UTRN: variants seen among roughly 807,000 people sequenced by gnomAD.
The protein encoded by UTRN is dystrophin-related protein 1.
A neutral mutation model predicts 463.9 loss-of-function variants in UTRN; 283 were observed. The observed-to-expected ratio is 0.61, with a 90% CI of 0.55 to 0.67. UTRN has a LOEUF of 0.67. UTRN is among the 30% of genes least tolerant of loss of function. The pLI is 0.00. For missense variants in UTRN, 3,922 were observed against 4,084.3 expected (o/e 0.96, Z 1.08); for synonymous variants, 1,442 against 1,431.5 (o/e 1.01, Z -0.17).
intron 53 of UTRN, among the ~76,000 whole-genome samples, chr6:144,700,543 G>A (rs1784479919): frequency 6.6e-6 from 1 of 151,782 alleles, no homozygotes; most frequent in Non-Finnish European, 1.5e-5. Context: ...AATATATTGA[G>A]GTTTTGGGTT....
intron 53 of UTRN, among the ~76,000 whole-genome samples, chr6:144,720,251 T>C (rs1786977921): frequency 6.6e-6 from 1 of 152,270 alleles, no homozygotes; most frequent in African/African-American, 2.4e-5. Context: ...CGCCAATCAC[T>C]TCTTTATACC....
chr6:144,784,815 A>G (rs1184787442), intron 61 of UTRN, among the ~76,000 whole-genome samples: 1 of 152,228 alleles, frequency 6.6e-6, no homozygotes, highest in Non-Finnish European at 1.5e-5. Flanking sequence ...TTAGAAAGAC[A>G]GTATCTTGAA....
intron 66 of UTRN, among the ~76,000 whole-genome samples, chr6:144,821,500 A>G (rs752530820): frequency 9.9e-5 from 15 of 152,000 alleles, no homozygotes; most frequent in Non-Finnish European, 1.6e-4. Flanking sequence ...GTATCACATT[A>G]TGATTCTAAT....
At chr6:144,724,169 G>T (rs73592002) in intron 53 of UTRN, among the ~76,000 whole-genome samples, 5,887 of 149,922 alleles carry the variant, frequency 0.039, 429 homozygotes, top group African/African-American at 0.14. Context: ...CAATTCAGGG[G>T]CTTTTAGTAT....
In UTRN at chr6:144,426,262, G is replaced by C. The variant is rs773672286; in HGVS notation, c.406-25G>C. The stretch of plus-strand genomic sequence containing the variant: ...GTAAATTACTGAAGTATTAGTTATG[G>C]ACAGGCCTGGTTTCTCTTACATAGG... On this transcript the variant is annotated intron_variant, in intron 6 of 74. Coordinates refer to ENST00000367545, the MANE Select transcript of UTRN (RefSeq NM_007124.3). The C allele has an allele frequency of 3.8e-6, 6 of 1,599,608 alleles. No homozygotes were observed. In the East Asian group the frequency reaches 9.0e-5, roughly 24 times the overall value.
intron 2 of UTRN, among the ~76,000 whole-genome samples, chr6:144,397,244 TAA>T (rs528359502): frequency 1.0e-4 from 15 of 145,386 alleles, no homozygotes; most frequent in African/African-American, 3.8e-4. Flanking sequence ...AACTCGGTCT[TAA>T]AAAAAAAAAA....
intron 52 of UTRN, among the ~76,000 whole-genome samples, chr6:144,694,580 G>A (rs922521016): frequency 3.9e-5 from 6 of 152,010 alleles, no homozygotes; most frequent in Non-Finnish European, 8.8e-5. Flanking sequence ...TCATTATTGG[G>A]CTGTTCAGGG....
In UTRN at chr6:144,539,572, T is replaced by C. The variant is rs78559744; in HGVS notation, c.6519+129T>C. On this transcript the variant is annotated intron_variant, in intron 45 of 74. Transcript: ENST00000367545. ...CAAATTTTACTAAAGCTTACTAATG[T>C]TTATATTTTTTATCTGTCATAGACA... The C allele has an allele frequency of 4.1e-3, 3,618 of 889,324 alleles. 88 individuals are homozygous for C. In the African/African-American group the frequency reaches 0.053, roughly 13 times the overall value. The allele number at this position is 889,324 out of a possible 1,614,324, so 55.1% of individuals were successfully genotyped here.
At chr6:144,608,684 T>C (rs989738072) in intron 51 of UTRN, among the ~76,000 whole-genome samples, 4 of 152,172 alleles carry the variant, frequency 2.6e-5, no homozygotes, top group Admixed American at 2.6e-4. Context: ...TTGGGTCCCT[T>C]TGTGGGAGGG....
chr6:144,522,598 A>G (rs1427565335), intron 40 of UTRN, among the ~76,000 whole-genome samples: 1 of 152,206 alleles, frequency 6.6e-6, no homozygotes, highest in Non-Finnish European at 1.5e-5. Flanking sequence ...ATTTTCATGT[A>G]ACTTGATTGC....
At chr6:144,673,999 T>C (rs1473153080) in intron 51 of UTRN, among the ~76,000 whole-genome samples, 1 of 152,220 alleles carries the variant, frequency 6.6e-6, no homozygotes, top group Admixed American at 6.5e-5. Flanking sequence ...GCAGAGTTTC[T>C]GCTGATAAAT....
intron 63 of UTRN, among the ~76,000 whole-genome samples, chr6:144,797,408 T>C (rs774908484): frequency 6.6e-6 from 1 of 152,174 alleles, no homozygotes; most frequent in South Asian, 2.1e-4. Context: ...TTGCCTAGGC[T>C]GGTCTCAAAC....
intron 54 of UTRN, among the ~76,000 whole-genome samples, chr6:144,741,376 T>C (rs1347629729): frequency 6.6e-6 from 1 of 152,214 alleles, no homozygotes; most frequent in East Asian, 1.9e-4. Flanking sequence ...CCTTTGATTC[T>C]TGAAAGAGAA....
Position 144,808,280 on chromosome 6 carries a change from AT to A in UTRN, c.9357+5142del, listed in dbSNP as rs11430968. Among the ~76,000 whole-genome samples the A allele has an allele frequency of 1.7e-4, 26 of 151,356 alleles. 1 individual carries two copies. The highest frequency in any genetic ancestry group is 2.2e-4 in the Non-Finnish European group (15 of 67,760). ...AGCTTATGAATCAAGAGAGTAGTCA[AT>A]TTTTTTTTGTATTATCCATGCATTA... On this transcript the variant is annotated intron_variant, in intron 65 of 74. Transcript: ENST00000367545.
intron 51 of UTRN, among the ~76,000 whole-genome samples, chr6:144,653,534 G>A (rs542866208): frequency 1.2e-4 from 18 of 151,474 alleles, no homozygotes; most frequent in African/African-American, 4.1e-4. Flanking sequence ...TGCAGTGAGC[G>A]GAGATCACGC....
At chr6:144,629,430 T>A (rs529117479) in intron 51 of UTRN, among the ~76,000 whole-genome samples, 108 of 152,340 alleles carry the variant, frequency 7.1e-4, no homozygotes, top group African/African-American at 2.5e-3. Context: ...ATGTAAAACA[T>A]ACATGGACAG....
At chr6:144,632,161 C>T (rs1776597662) in intron 51 of UTRN, among the ~76,000 whole-genome samples, 1 of 152,162 alleles carries the variant, frequency 6.6e-6, no homozygotes, top group African/African-American at 2.4e-5. Flanking sequence ...TAATTCCATC[C>T]TATGTGAAAA....
intron 51 of UTRN, among the ~76,000 whole-genome samples, chr6:144,611,191 C>T (rs1805483991): frequency 6.6e-6 from 1 of 152,214 alleles, no homozygotes; most frequent in Non-Finnish European, 1.5e-5. Context: ...AAACTCTCAA[C>T]ATATTAGCTG....
intron 73 of UTRN, among the ~76,000 whole-genome samples, chr6:144,845,086 C>T (rs1781905762): frequency 6.6e-6 from 1 of 152,072 alleles, no homozygotes; most frequent in African/African-American, 2.4e-5. Context: ...AATTAATATC[C>T]CAGTTGGTCC....
Sources: gnomAD v4.1 joint callset for allele counts (sites outside exome capture counted in the v4.1 genomes callset) on GRCh38, gnomAD v4.1.1 for gene constraint, MANE v1.5 for transcripts, NCBI Gene and HGNC (gene_info 2026-07-23, HGNC 2026-07-21) for gene names.